GSE1: variants seen among roughly 807,000 people sequenced by gnomAD.
The protein encoded by GSE1 is Gse1 coiled-coil protein.
In GSE1, 32 loss-of-function variants were observed where a neutral mutation model predicts 112.6. The observed-to-expected ratio is 0.28, with a 90% CI of 0.21 to 0.38. The LOEUF (loss-of-function observed/expected upper bound fraction) is 0.38. Ranked by LOEUF, GSE1 falls within the 10% of genes least tolerant of loss-of-function variation. GSE1 has a pLI of 1.00. For missense variants in GSE1, 2,348 were observed against 1,699.2 expected, an observed-to-expected ratio of 1.38 and a Z score of -6.71; for synonymous variants, 1,115 against 735.6, an observed-to-expected ratio of 1.52 and a Z score of -8.35.
At chr16:85,174,124 A>G (rs2074413853) in intron 1 of GSE1, among the ~76,000 whole-genome samples, 1 of 152,168 alleles carries the variant, frequency 6.6e-6, no homozygotes, top group South Asian at 2.1e-4. Context: ...TGTTGGAATG[A>G]GGCAGGCAAA....
chr16:85,241,075 G>A (rs1481797935), intron 1 of GSE1, among the ~76,000 whole-genome samples: 2 of 152,146 alleles, frequency 1.3e-5, no homozygotes. Flanking sequence ...CTTTAGCCAG[G>A]CTTCCCCGTG....
Position 85,439,163 on chromosome 16 carries a change from G to A in GSE1, c.2464+81520G>A, listed in dbSNP as rs1448659086. On this transcript the variant is annotated intron_variant, in intron 2 of 2. Coordinates refer to the GSE1 transcript ENST00000637419. ...CAGACCCGGGGGACGTGCCCTGCCT[G>A]CCCTGGCCCCTCACCCGGCACTGAC... Among the ~76,000 whole-genome samples, 5 of 152,240 alleles carry A rather than the reference G, an allele frequency of 3.3e-5. No homozygotes were observed. In the East Asian group the frequency reaches 5.8e-4, roughly 18 times the overall value.
intron 1 of GSE1, among the ~76,000 whole-genome samples, chr16:85,305,744 G>A (rs763080703): frequency 5.9e-5 from 9 of 152,088 alleles, no homozygotes; most frequent in African/African-American, 9.7e-5. Flanking sequence ...CCAAAGTGTC[G>A]GGATTACAGG....
chr16:85,346,564 C>A (rs984208878), intron 1 of GSE1, among the ~76,000 whole-genome samples: 1 of 110,742 alleles, frequency 9.0e-6, no homozygotes, highest in Admixed American at 9.1e-5. Flanking sequence ...GATGGACAGG[C>A]GGATGGTGGA....
intron 1 of GSE1, among the ~76,000 whole-genome samples, chr16:85,600,789 A>G (rs1214083196): frequency 1.3e-5 from 2 of 152,092 alleles, no homozygotes; most frequent in African/African-American, 2.4e-5. Context: ...CATGGTGCGG[A>G]TCCTGCAGGA....
chr16:85,568,661 G>A (rs985024342), intron 1 of GSE1, among the ~76,000 whole-genome samples: 2 of 152,176 alleles, frequency 1.3e-5, no homozygotes, highest in African/African-American at 4.8e-5. Flanking sequence ...TACCCAGGGC[G>A]GAGGCTCTTG....
At chr16:85,214,953 G>C (rs753418883) in intron 1 of GSE1, among the ~76,000 whole-genome samples, 2 of 152,166 alleles carry the variant, frequency 1.3e-5, no homozygotes, top group African/African-American at 4.8e-5. Context: ...CTCCTTGCCC[G>C]GTCTTGGCCT....
chr16:85,600,341 C>G (rs1176996221), intron 1 of GSE1, among the ~76,000 whole-genome samples: 1 of 152,158 alleles, frequency 6.6e-6, no homozygotes, highest in Non-Finnish European at 1.5e-5. Context: ...GCTGGGCCTC[C>G]TCGATGCTTC....
At chr16:85,181,366 T>C (rs1329930728) in intron 1 of GSE1, among the ~76,000 whole-genome samples, 1 of 152,180 alleles carries the variant, frequency 6.6e-6, no homozygotes, top group African/African-American at 2.4e-5. Context: ...CAGCCGTCAT[T>C]GGCAGGGCTG....
intron 1 of GSE1, among the ~76,000 whole-genome samples, chr16:85,348,283 A>G (rs537867277): frequency 1.4e-5 from 2 of 143,232 alleles, no homozygotes; most frequent in African/African-American, 2.6e-5. Context: ...CCATCTATCC[A>G]TCCATCCACT....
chr16:85,652,929 G>C (rs928356899), intron 3 of GSE1, among the ~76,000 whole-genome samples: 1 of 151,850 alleles, frequency 6.6e-6, no homozygotes, highest in African/African-American at 2.4e-5. Context: ...ATCAGCAGTC[G>C]TTACCTGACA....
At chr16:85,296,807 C>T (rs1414613143) in intron 1 of GSE1, among the ~76,000 whole-genome samples, 1 of 151,212 alleles carries the variant, frequency 6.6e-6, no homozygotes, top group Non-Finnish European at 1.5e-5. Flanking sequence ...AAGGGACTGT[C>T]ACTTGCTGCA....
intron 2 of GSE1, among the ~76,000 whole-genome samples, chr16:85,507,369 C>T (rs1189287958): frequency 6.6e-6 from 1 of 152,204 alleles, no homozygotes; most frequent in Non-Finnish European, 1.5e-5. Flanking sequence ...CTCTCTCTTC[C>T]TCTGGCCTCA....
Position 85,311,808 on chromosome 16 carries a change from G to T in GSE1, c.2284-45655G>T, listed in dbSNP as rs1349939091. Among the ~76,000 whole-genome samples, 1 of 152,196 alleles carries T rather than the reference G, an allele frequency of 6.6e-6. No homozygotes were observed. Among genetic ancestry groups the T allele is most frequent in the East Asian group, 1.9e-4 (1 of 5,188 alleles). On this transcript the variant is annotated intron_variant, in intron 1 of 2. Transcript: ENST00000637419. The surrounding 1 kb of genome is among the most constrained non-coding windows in gnomAD (Gnocchi z 4.2). ...CCACATACCACCTTGCAGTCCTGGT[G>T]ATGGGGACCCACTGTCTGACCTGTG...
At chr16:85,632,479 C>CAGGA (rs1464991504) in intron 1 of GSE1, among the ~76,000 whole-genome samples, 1 of 152,210 alleles carries the variant, frequency 6.6e-6, no homozygotes, top group African/African-American at 2.4e-5. Context: ...GGCCAGGACT[C>CAGGA]ACGGCCTTTG....
rs1037817201 is a variant in GSE1, at chr16:85,663,060, G to C, written c.2340G>C (p.Glu780Asp). The change falls in exon 10 of 16, where the codon GAG becomes GAC. Residue 780 changes from glutamate to aspartate, a missense_variant. Coordinates refer to ENST00000253458, the MANE Select transcript of GSE1 (RefSeq NM_014615.5). Reference protein sequence around the residue: ...EVRAHLRCVAEQPPLKLDTSS... With the variant: ...EVRAHLRCVADQPPLKLDTSS... Reference sequence around the variant, plus strand: ...GGGCCCACCTCCGTTGCGTGGCCGAGCAGCCGCCCCTCAAACTGGACACGT... The same window carrying C: ...GGGCCCACCTCCGTTGCGTGGCCGACCAGCCGCCCCTCAAACTGGACACGT... 6.2e-7 allele frequency: 1 copy of C among 1,612,410 alleles called. No homozygotes were observed. Among genetic ancestry groups the C allele is most frequent in the Admixed American group, 1.7e-5 (1 of 60,008 alleles).
chr16:85,562,933 T>C (rs982617968), intron 1 of GSE1, among the ~76,000 whole-genome samples: 1 of 150,188 alleles, frequency 6.7e-6, no homozygotes, highest in African/African-American at 2.5e-5. Flanking sequence ...TCATACTCTT[T>C]GTGGGAAAAT....
intron 1 of GSE1, among the ~76,000 whole-genome samples, chr16:85,206,500 T>C (rs1240086006): frequency 1.3e-5 from 2 of 152,206 alleles, no homozygotes; most frequent in East Asian, 3.9e-4. Flanking sequence ...TGGGTCTCGA[T>C]GGGGCCTGGA....
intron 1 of GSE1, among the ~76,000 whole-genome samples, chr16:85,632,969 G>C (rs1313056341): frequency 6.6e-6 from 1 of 152,170 alleles, no homozygotes; most frequent in Non-Finnish European, 1.5e-5. Context: ...TTCCCCAGTG[G>C]TTCTGATGTC....
Sources: gnomAD v4.1 joint callset for allele counts (sites outside exome capture counted in the v4.1 genomes callset) on GRCh38, gnomAD v4.1.1 for gene constraint, Gnocchi (gnomAD v3.1) non-coding constraint, MANE v1.5 for transcripts, NCBI Gene and HGNC (gene_info 2026-07-23, HGNC 2026-07-21) for gene names.